The following MINDY3 variants were observed in gnomAD, a reference collection of about 807,000 sequenced individuals.
MINDY3 encodes ubiquitin carboxyl-terminal hydrolase MINDY-3.
A neutral mutation model predicts 69.2 loss-of-function variants in MINDY3; 38 were observed. The ratio of observed to expected loss-of-function variants is 0.55; its 90% confidence interval spans 0.42 to 0.72. The LOEUF is 0.72. Among genes scored for constraint, MINDY3 ranks in the 30% least tolerant of loss-of-function variants. MINDY3 has a pLI of 0.00. For missense variants in MINDY3, 522 were observed against 519.0 expected, an observed-to-expected ratio of 1.01 and a Z score of -0.06; for synonymous variants, 192 against 180.1, an observed-to-expected ratio of 1.07 and a Z score of -0.53.
At chr10:15,792,484 A>C (rs1837494134) in intron 11 of MINDY3, among the ~76,000 whole-genome samples, 2 of 152,120 alleles carry the variant, frequency 1.3e-5, no homozygotes, top group South Asian at 2.1e-4. Context: ...GCCTGACAGA[A>C]ACAGTGCTAA....
At chr10:15,788,085 ACTT>A (rs1472555439) in intron 12 of MINDY3, among the ~76,000 whole-genome samples, 5 of 152,036 alleles carry the variant, frequency 3.3e-5, no homozygotes, top group African/African-American at 1.2e-4. Context: ...AAAAAAAAAA[ACTT>A]TCTTCTTTCT....
At chr10:15,815,593 C>T (rs1234304998) in intron 10 of MINDY3, among the ~76,000 whole-genome samples, 1 of 152,100 alleles carries the variant, frequency 6.6e-6, no homozygotes, top group African/African-American at 2.4e-5. Context: ...TATCTTCCTA[C>T]GAACATTCAG....
chr10:15,848,373 G>A (rs997213790), intron 1 of MINDY3, among the ~76,000 whole-genome samples: 16 of 151,968 alleles, frequency 1.1e-4, no homozygotes, highest in African/African-American at 2.2e-4. Flanking sequence ...AGTGGCTCAC[G>A]CCTGTAATCC....
At chr10:15,827,176 T>TAAAAAAA (rs56332799) in intron 8 of MINDY3, among the ~76,000 whole-genome samples, 44 of 44,856 alleles carry the variant, frequency 9.8e-4, no homozygotes, top group African/African-American at 1.7e-3. Context: ...ATAACAGGAG[T>TAAAAAAA]AAAAAAAAAA....
In MINDY3 at chr10:15,813,079, AGAGTT is replaced by A. The variant is rs1353033448; in HGVS notation, c.882+3751_882+3755del. Among the ~76,000 whole-genome samples, 3 of 152,228 alleles carry A rather than the reference AGAGTT, an allele frequency of 2.0e-5. No homozygotes were observed. In the East Asian group the frequency reaches 5.8e-4, roughly 29 times the overall value. ...ATATATCCATTCTCCACAATTAGCT[AGAGTT>A]ATCTTTTACAAATGTGAATTTAATC... On this transcript the variant is annotated intron_variant, in intron 10 of 14. Coordinates refer to ENST00000277632, the MANE Select transcript of MINDY3 (RefSeq NM_024948.4).
intron 11 of MINDY3, among the ~76,000 whole-genome samples, chr10:15,790,959 T>C (rs1036637720): frequency 2.0e-5 from 3 of 152,100 alleles, no homozygotes; most frequent in Non-Finnish European, 2.9e-5. Flanking sequence ...CAAGAGCTAA[T>C]TGGCAAATGA....
intron 1 of MINDY3, among the ~76,000 whole-genome samples, chr10:15,859,041 C>T (rs989233014): frequency 1.3e-5 from 2 of 152,160 alleles, no homozygotes; most frequent in African/African-American, 4.8e-5. Flanking sequence ...ACTCCCAGTT[C>T]TATCGATTTG....
intron 8 of MINDY3, among the ~76,000 whole-genome samples, chr10:15,830,026 C>G (rs192510185): frequency 2.6e-4 from 40 of 152,234 alleles, no homozygotes; most frequent in African/African-American, 9.1e-4. Context: ...AATGGAGAAT[C>G]TCGAAGACTC....
At chr10:15,833,941 TTATC>T (rs553340553) in intron 7 of MINDY3, among the ~76,000 whole-genome samples, 4 of 152,206 alleles carry the variant, frequency 2.6e-5, no homozygotes, top group South Asian at 4.1e-4. Context: ...TTTAACAACT[TTATC>T]TAAGATATAT....
intron 10 of MINDY3, among the ~76,000 whole-genome samples, chr10:15,803,788 A>G (rs1385342707): frequency 6.6e-6 from 1 of 152,138 alleles, no homozygotes. Flanking sequence ...TTATCTTCCA[A>G]GATGAAGTTC....
intron 10 of MINDY3, among the ~76,000 whole-genome samples, chr10:15,816,282 G>GAAAAAAAAAAAAAAAAAAAAAAAAAAA (rs1421619763): frequency 9.2e-6 from 1 of 108,514 alleles, no homozygotes; most frequent in African/African-American, 6.2e-5. Flanking sequence ...AAAAAAAAAT[G>GAAAAAAAAAAAAAAAAAAAAAAAAAAA]AAAAAGAAAA....
At chr10:15,823,462 C>T (rs1197467607) in intron 8 of MINDY3, among the ~76,000 whole-genome samples, 3 of 152,038 alleles carry the variant, frequency 2.0e-5, no homozygotes, top group Admixed American at 2.0e-4. Context: ...TACTAATAAG[C>T]CAAGCATTAA....
intron 11 of MINDY3, among the ~76,000 whole-genome samples, chr10:15,792,465 G>GCA (rs1837491034): frequency 1.3e-5 from 2 of 152,116 alleles, no homozygotes; most frequent in South Asian, 2.1e-4. Context: ...AAAACTGTTA[G>GCA]CTGGGGATGC....
chr10:15,828,793 T>C (rs1025964141), intron 8 of MINDY3, among the ~76,000 whole-genome samples: 2 of 152,202 alleles, frequency 1.3e-5, no homozygotes, highest in Admixed American at 6.5e-5. Context: ...TTTACTAACA[T>C]GAGACATACA....
chr10:15,859,721 C>T (rs1834955090), intron 1 of MINDY3, among the ~76,000 whole-genome samples: 1 of 152,178 alleles, frequency 6.6e-6, no homozygotes, highest in African/African-American at 2.4e-5. Flanking sequence ...CACGCCTAAC[C>T]ACATAATGAC....
chr10:15,813,382 T>C (rs1258592433), intron 10 of MINDY3, among the ~76,000 whole-genome samples: 1 of 152,214 alleles, frequency 6.6e-6, no homozygotes, highest in Non-Finnish European at 1.5e-5. Flanking sequence ...TCTCTTCCTC[T>C]GGTTTAATCT....
At chr10:15,811,190 CA>C (rs1281263621) in intron 10 of MINDY3, among the ~76,000 whole-genome samples, 6 of 151,966 alleles carry the variant, frequency 3.9e-5, no homozygotes, top group African/African-American at 1.4e-4. Context: ...ATAAGAAAAT[CA>C]AGTCAAATTT....
At chr10:15,838,596 G>A (rs1487506365) in intron 4 of MINDY3, among the ~76,000 whole-genome samples, 1 of 151,596 alleles carries the variant, frequency 6.6e-6, no homozygotes, top group Non-Finnish European at 1.5e-5. Flanking sequence ...AATGTGTCCT[G>A]CACTTTTAAA....
At chr10:15,819,761 T>C (rs527492984) in intron 9 of MINDY3, among the ~76,000 whole-genome samples, 4 of 152,306 alleles carry the variant, frequency 2.6e-5, no homozygotes, top group African/African-American at 9.6e-5. Flanking sequence ...TGTTTTGTTG[T>C]GCCATTAGCA....
Sources: gnomAD v4.1 joint callset for allele counts (sites outside exome capture counted in the v4.1 genomes callset) on GRCh38, gnomAD v4.1.1 for gene constraint, MANE v1.5 for transcripts, NCBI Gene and HGNC (gene_info 2026-07-23, HGNC 2026-07-21) for gene names.